FGF12: variants seen among roughly 807,000 people sequenced by gnomAD.
FGF12 encodes the protein fibroblast growth factor 12B.
A neutral mutation model predicts 23.6 loss-of-function variants in FGF12; 14 were observed. The observed-to-expected ratio is 0.59, with a 90% confidence interval of 0.39 to 0.93. The LOEUF (loss-of-function observed/expected upper bound fraction) is 0.93, where lower values mean the gene tolerates loss of function less well. FGF12 is among the 40% of genes least tolerant of loss of function. The probability of loss-of-function intolerance (pLI) is 0.00; values close to 1 mark genes in which losing one functional copy is unlikely to be tolerated. For synonymous variants in FGF12, 62 were observed against 77.3 expected, an observed-to-expected ratio of 0.80 and a Z score of 1.04; for missense variants, 175 against 217.8, an observed-to-expected ratio of 0.80 and a Z score of 1.24.
At chr3:192,297,422 AAT>A (rs3071842) in intron 4 of FGF12, among the ~76,000 whole-genome samples, 6,842 of 152,306 alleles carry the variant, frequency 0.045, 210 homozygotes, top group Admixed American at 0.075. Context: ...CAGAGTATGC[AAT>A]ATAATTATTT....
At chr3:192,182,124 A>G (rs1186170853) in intron 4 of FGF12, among the ~76,000 whole-genome samples, 1 of 152,154 alleles carries the variant, frequency 6.6e-6, no homozygotes, top group Admixed American at 6.5e-5. Flanking sequence ...GCACATATAA[A>G]CAACTCGGTA....
At chr3:192,169,376 G>A (rs776042537) in intron 5 of FGF12, among the ~76,000 whole-genome samples, 3 of 151,994 alleles carry the variant, frequency 2.0e-5, no homozygotes, top group Non-Finnish European at 4.4e-5. Flanking sequence ...ATATACTGCA[G>A]GAAAGAAAAG....
At chr3:192,444,625 TTCTC>T (rs777050475) in intron 2 of FGF12, among the ~76,000 whole-genome samples, 2 of 152,164 alleles carry the variant, frequency 1.3e-5, no homozygotes, top group Non-Finnish European at 2.9e-5. Flanking sequence ...TCTCCCCAGA[TTCTC>T]TCAGCTTCTA....
chr3:192,447,661 C>T (rs1356858319), intron 2 of FGF12, among the ~76,000 whole-genome samples: 1 of 152,138 alleles, frequency 6.6e-6, no homozygotes, highest in Non-Finnish European at 1.5e-5. Flanking sequence ...TTTTAGTAAA[C>T]TTACGTAATG....
At chr3:192,313,912 T>G (rs1716090524) in intron 4 of FGF12, among the ~76,000 whole-genome samples, 1 of 152,228 alleles carries the variant, frequency 6.6e-6, no homozygotes, top group Non-Finnish European at 1.5e-5. Context: ...TATTGAAGCC[T>G]AATGCTCAAT....
chr3:192,375,066 C>G (rs1312723908), intron 2 of FGF12, among the ~76,000 whole-genome samples: 1 of 152,110 alleles, frequency 6.6e-6, no homozygotes, highest in African/African-American at 2.4e-5. Context: ...ACCTACTGCC[C>G]TTTGTGTGTT....
intron 4 of FGF12, among the ~76,000 whole-genome samples, chr3:192,281,351 T>C (rs990668572): frequency 2.0e-5 from 3 of 152,102 alleles, no homozygotes; most frequent in Non-Finnish European, 1.5e-5. Context: ...TCTCTGCATC[T>C]CTCCTTCTTT....
intron 4 of FGF12, among the ~76,000 whole-genome samples, chr3:192,227,501 A>C (rs947118249): frequency 3.9e-5 from 6 of 151,904 alleles, no homozygotes; most frequent in African/African-American, 1.5e-4. Context: ...GGAATATGGA[A>C]AGCAATGTTT....
intron 4 of FGF12, among the ~76,000 whole-genome samples, chr3:192,239,823 T>C (rs1255544166): frequency 2.6e-5 from 4 of 152,114 alleles, no homozygotes. Context: ...GCCAAGAAGG[T>C]TGGGGACTGT....
At chr3:192,504,541 TTG>T (rs1724236485) in intron 2 of FGF12, among the ~76,000 whole-genome samples, 1 of 152,118 alleles carries the variant, frequency 6.6e-6, no homozygotes, top group African/African-American at 2.4e-5. Context: ...GAGAAAACTT[TTG>T]TGTGTTTGGT....
At chr3:192,568,759 C>G (rs1396133205) in intron 2 of FGF12, among the ~76,000 whole-genome samples, 1 of 152,052 alleles carries the variant, frequency 6.6e-6, no homozygotes, top group East Asian at 1.9e-4. Context: ...GCCAGGAAAT[C>G]CATAACCCAG....
chr3:192,433,785 T>C (rs1721933589), intron 2 of FGF12, among the ~76,000 whole-genome samples: 1 of 152,224 alleles, frequency 6.6e-6, no homozygotes, highest in African/African-American at 2.4e-5. Context: ...TGGGAGAATT[T>C]CCCACGATTA....
At chr3:192,183,074 T>A (rs1331384799) in intron 4 of FGF12, among the ~76,000 whole-genome samples, 2 of 152,172 alleles carry the variant, frequency 1.3e-5, no homozygotes, top group African/African-American at 2.4e-5. Context: ...ACTATAATGG[T>A]CAATGAAGGA....
intron 2 of FGF12, among the ~76,000 whole-genome samples, chr3:192,640,838 G>A (rs1490004272): frequency 6.6e-6 from 1 of 151,478 alleles, no homozygotes; most frequent in Admixed American, 6.6e-5. Flanking sequence ...TGTGAGACAG[G>A]GTCTTACTCT....
intron 1 of FGF12, 25 bp downstream of exon 1, chr3:192,727,459 C>G: frequency 1.2e-6 from 1 of 805,628 alleles, no homozygotes; most frequent in Non-Finnish European, 1.8e-6. Flanking sequence ...AGTGCCCGCT[C>G]AGATTTTTTT....
chr3:192,542,373 T>C (rs9810948), intron 2 of FGF12, among the ~76,000 whole-genome samples: 40,810 of 152,054 alleles, frequency 0.27, 5,754 homozygotes, highest in Middle Eastern at 0.43. Context: ...CTTTGTTAAA[T>C]TTATCTGATG....
At chr3:192,419,037 CAT>C (rs774236093) in intron 2 of FGF12, among the ~76,000 whole-genome samples, 1 of 152,180 alleles carries the variant, frequency 6.6e-6, no homozygotes, top group Non-Finnish European at 1.5e-5. Context: ...CTGTTATTCA[CAT>C]GTTACAGTGG....
intron 2 of FGF12, among the ~76,000 whole-genome samples, chr3:192,570,565 T>C (rs1286770646): frequency 6.6e-6 from 1 of 152,144 alleles, no homozygotes; most frequent in Non-Finnish European, 1.5e-5. Context: ...TTCCCCAAAT[T>C]TGGTTAGCTG....
intron 4 of FGF12, among the ~76,000 whole-genome samples, chr3:192,315,993 T>C (rs947544117): frequency 2.6e-5 from 4 of 152,190 alleles, no homozygotes; most frequent in African/African-American, 9.6e-5. Context: ...CTCAGGTAAC[T>C]GAGAGTTTTG....
Sources: allele counts gnomAD v4.1 joint callset (sites outside exome capture counted in the v4.1 genomes callset), GRCh38; gene constraint gnomAD v4.1.1; transcripts MANE v1.5; gene names NCBI Gene and HGNC (gene_info 2026-07-23, HGNC 2026-07-21).